The following ANKRD45 variants were observed in gnomAD, a reference collection of about 807,000 sequenced individuals.
ANKRD45 encodes the protein ankyrin repeat domain 45, also known as ankyrin repeat domain-containing protein 45.
In ANKRD45, 21 loss-of-function variants were observed where a neutral mutation model predicts 28.1. That is an observed-to-expected ratio of 0.75 (90% confidence interval 0.53 to 1.08). The LOEUF is 1.08. Among genes scored for constraint, ANKRD45 ranks in the 50% least tolerant of loss-of-function variants. ANKRD45 has a pLI of 0.00. For missense variants in ANKRD45, 261 were observed against 308.7 expected, an observed-to-expected ratio of 0.85 and a Z score of 1.16; for synonymous variants, 86 against 103.9, an observed-to-expected ratio of 0.83 and a Z score of 1.05.
chr1:173,648,096 C>G (rs1337370924), intron 2 of ANKRD45, among the ~76,000 whole-genome samples: 1 of 152,090 alleles, frequency 6.6e-6, no homozygotes, highest in Non-Finnish European at 1.5e-5. Flanking sequence ...TGCAGCACCA[C>G]GCCCAGCTTA....
chr1:173,639,495 G>A (rs1166841254), intron 3 of ANKRD45, among the ~76,000 whole-genome samples: 1 of 152,144 alleles, frequency 6.6e-6, no homozygotes, highest in East Asian at 1.9e-4. Context: ...GAAGGAAAAT[G>A]GATACTACCA....
In ANKRD45 at chr1:173,627,108, G is replaced by A. The variant is rs1262779353; in HGVS notation, c.548C>T (p.Thr183Ile). The A allele has an allele frequency of 6.2e-7, 1 of 1,613,016 alleles. No individual in the cohort carries two copies. The highest frequency in any genetic ancestry group is 2.2e-5 in the East Asian group (1 of 44,874). Residue 183 changes from threonine (T) to isoleucine (I), a missense_variant, in exon 4 of 6, where the codon ACT becomes ATT. Thr to Ile is a moderately conservative substitution (Grantham distance 89). Coordinates refer to ENST00000333279, the MANE Select transcript of ANKRD45 (RefSeq NM_198493.3). ...KYIAKVSLAV[T>I]DTEKGSGKLL... ...TTTCCCTGATCCCTTTTCTGTGTCAGTAACAGCTAAAGAGACTTTTGCAAT... is the reference window on the plus strand; with the variant it reads ...TTTCCCTGATCCCTTTTCTGTGTCAATAACAGCTAAAGAGACTTTTGCAAT...
chr1:173,687,105 C>A, the ANKRD45 span, among the ~76,000 whole-genome samples: 1 of 152,142 alleles, frequency 6.6e-6, no homozygotes, highest in Non-Finnish European at 1.5e-5. Context: ...CTTGCTTAAA[C>A]CTTTAAAACA....
chr1:173,665,670 A>C (rs990117230), intron 1 of ANKRD45, among the ~76,000 whole-genome samples: 1 of 152,102 alleles, frequency 6.6e-6, no homozygotes, highest in African/African-American at 2.4e-5. Flanking sequence ...ACCCCAGGGA[A>C]TTTTTGTTTA....
chr1:173,682,941 C>CTT, the ANKRD45 span, among the ~76,000 whole-genome samples: 16 of 149,856 alleles, frequency 1.1e-4, no homozygotes, highest in East Asian at 7.8e-4. Flanking sequence ...TTGCCTCTCT[C>CTT]TTTTTTTTTC....
intron 5 of ANKRD45, among the ~76,000 whole-genome samples, chr1:173,616,115 A>C (rs1667459189): frequency 6.6e-6 from 1 of 152,062 alleles, no homozygotes; most frequent in South Asian, 2.1e-4. Context: ...AAAAAAAAAA[A>C]TAGATTAAAT....
chr1:173,708,332 C>T, the ANKRD45 span, among the ~76,000 whole-genome samples: 1 of 152,208 alleles, frequency 6.6e-6, no homozygotes, highest in Non-Finnish European at 1.5e-5. Flanking sequence ...GCTCCACACT[C>T]ACGAATGGGA....
chr1:173,647,165 GT>G, intron 2 of ANKRD45, 152 bp from the exon 3 acceptor site: 1 of 673,122 alleles, frequency 1.5e-6, no homozygotes. Context: ...AACTCATTTA[GT>G]TTTATAAAAC....
At chr1:173,646,484 C>T (rs1039773033) in intron 3 of ANKRD45, among the ~76,000 whole-genome samples, 2 of 152,152 alleles carry the variant, frequency 1.3e-5, no homozygotes, top group Non-Finnish European at 1.5e-5. Context: ...CTCAAATATG[C>T]TATTTTTTAA....
At chr1:173,667,675 C>T (rs1310186498) in intron 1 of ANKRD45, 1 of 412,302 alleles carries the variant, frequency 2.4e-6, no homozygotes, top group Non-Finnish European at 4.7e-6. Flanking sequence ...CACTGCACTC[C>T]AGCCTGGCAC....
At chr1:173,685,946 G>A in the ANKRD45 span, among the ~76,000 whole-genome samples, 1 of 152,146 alleles carries the variant, frequency 6.6e-6, no homozygotes, top group Non-Finnish European at 1.5e-5. Context: ...TATGGTTTTA[G>A]GAAATTACAA....
intron 3 of ANKRD45, among the ~76,000 whole-genome samples, chr1:173,627,942 A>C (rs1369486295): frequency 6.6e-6 from 1 of 151,708 alleles, no homozygotes; most frequent in Non-Finnish European, 1.5e-5. Context: ...GCTCAGCCAC[A>C]GTAGAACACG....
intron 1 of ANKRD45, among the ~76,000 whole-genome samples, chr1:173,661,714 AGT>A (rs1161946608): frequency 1.3e-5 from 2 of 152,208 alleles, no homozygotes; most frequent in African/African-American, 4.8e-5. Flanking sequence ...CATATAATTC[AGT>A]GTTTACTGGA....
At chr1:173,654,653 G>T (rs1331848543) in intron 2 of ANKRD45, among the ~76,000 whole-genome samples, 1 of 152,162 alleles carries the variant, frequency 6.6e-6, no homozygotes, top group Non-Finnish European at 1.5e-5. Context: ...TGCCTTGCTA[G>T]GTTGGGGAAG....
At chr1:173,624,736 C>G (rs778207199) in intron 5 of ANKRD45, 51 bp downstream of exon 5, 4 of 1,554,714 alleles carry the variant, frequency 2.6e-6, no homozygotes, top group South Asian at 2.3e-5. Context: ...CAACATTGAA[C>G]TTAATTTTCA....
intron 3 of ANKRD45, among the ~76,000 whole-genome samples, chr1:173,636,524 G>T (rs990483535): frequency 6.6e-6 from 1 of 151,958 alleles, no homozygotes; most frequent in Non-Finnish European, 1.5e-5. Flanking sequence ...TTTCATAAAC[G>T]AATACATTTT....
At position 173,654,413 on chromosome 1, in the gene ANKRD45, T is replaced by G. The variant is rs530279919; in HGVS notation, c.328+4678A>C. Among the ~76,000 whole-genome samples the G allele has an allele frequency of 1.1e-3, 171 of 152,334 alleles. 1 individual carries two copies. Among genetic ancestry groups the G allele is most frequent in the African/African-American group, 3.8e-3 (159 of 41,580 alleles). ...TGAAAATTCTTTTCTTTAAGAATGT[T>G]GAATATTGGCCCCCACTCTCTACTG... On this transcript the variant is annotated intron_variant, in intron 2 of 5. Coordinates refer to ENST00000333279, the MANE Select transcript of ANKRD45 (RefSeq NM_198493.3).
At chr1:173,710,576 C>T in the ANKRD45 span, among the ~76,000 whole-genome samples, 1 of 152,158 alleles carries the variant, frequency 6.6e-6, no homozygotes, top group Non-Finnish European at 1.5e-5. Context: ...GAGTTGTACA[C>T]ATGCTCACTT....
intron 3 of ANKRD45, chr1:173,635,856 G>T (rs1668413162): frequency 3.3e-6 from 5 of 1,501,792 alleles, no homozygotes; most frequent in South Asian, 1.2e-5. Flanking sequence ...GTGAATTCGT[G>T]ATACAAGTAG....
Sources: gnomAD v4.1 joint callset for allele counts (sites outside exome capture counted in the v4.1 genomes callset) on GRCh38, gnomAD v4.1.1 for gene constraint, MANE v1.5 for transcripts, NCBI Gene and HGNC (gene_info 2026-07-23, HGNC 2026-07-21) for gene names.